The following MATR3 variants were observed in gnomAD, a reference collection of about 807,000 sequenced individuals.
The protein encoded by MATR3 is matrin-3.
MATR3 carries 4 observed loss-of-function variants against 85.5 expected under a neutral mutation model. The observed-to-expected ratio is 0.05, with a 90% CI of 0.02 to 0.11. MATR3 has a LOEUF of 0.11. Among genes scored for constraint, MATR3 ranks in the 10% least tolerant of loss-of-function variants. The pLI, the probability that MATR3 is intolerant of heterozygous loss-of-function variation, is 1.00. For missense variants in MATR3, 685 were observed against 1,016.1 expected, an observed-to-expected ratio of 0.67 and a Z score of 4.43; for synonymous variants, 336 against 343.1, an observed-to-expected ratio of 0.98 and a Z score of 0.23.
At chr5:139,326,421 AC>A in intron 14 of MATR3, 137 bp downstream of exon 14, 3 of 704,378 alleles carry the variant, frequency 4.3e-6, no homozygotes, top group South Asian at 2.5e-5. Flanking sequence ...CTTTTTATTT[AC>A]TTTTTTTTTT....
upstream of MATR3, among the ~76,000 whole-genome samples, chr5:139,290,668 T>C (rs1753844712): frequency 6.6e-6 from 1 of 151,912 alleles, no homozygotes; most frequent in Non-Finnish European, 1.5e-5. Flanking sequence ...TATGATGGTC[T>C]TGAACTTTCT....
chr5:139,327,875 A>T (rs948705469), intron 14 of MATR3, among the ~76,000 whole-genome samples: 465 of 147,984 alleles, frequency 3.1e-3, no homozygotes, highest in African/African-American at 0.011. Flanking sequence ...TTTTTTTTTT[A>T]TTTGAGACAG....
chr5:139,296,480 C>G (rs1038339648), intron 1 of MATR3, among the ~76,000 whole-genome samples: 1 of 152,064 alleles, frequency 6.6e-6, no homozygotes, highest in East Asian at 1.9e-4. Context: ...GAAATAACAT[C>G]AACTTTTGTA....
At chr5:139,306,063 C>T (rs965252685) in intron 1 of MATR3, among the ~76,000 whole-genome samples, 1 of 152,144 alleles carries the variant, frequency 6.6e-6, no homozygotes, top group African/African-American at 2.4e-5. Flanking sequence ...AGCAATGCCT[C>T]ATAGAATTCT....
chr5:139,316,484 G>A (rs1439013063), intron 5 of MATR3, among the ~76,000 whole-genome samples: 1 of 152,046 alleles, frequency 6.6e-6, no homozygotes, highest in African/African-American at 2.4e-5. Flanking sequence ...GGCCTCAGGT[G>A]GACTACCCGC....
At chr5:139,292,968 C>G (rs1456621225), upstream of MATR3, among the ~76,000 whole-genome samples, 6 of 151,980 alleles carry the variant, frequency 3.9e-5, no homozygotes, top group Non-Finnish European at 8.8e-5. Context: ...ACAAAAAAAA[C>G]AGCTGGCTGG....
chr5:139,295,503 TTATA>T (rs1314804321), intron 1 of MATR3, among the ~76,000 whole-genome samples: 1 of 152,234 alleles, frequency 6.6e-6, no homozygotes, highest in African/African-American at 2.4e-5. Context: ...TTTATCATCT[TTATA>T]TATTTTTCAG....
Position 139,308,143 on chromosome 5 carries a change from A to G in MATR3, c.728A>G (p.Tyr243Cys). 6.2e-7 allele frequency: 1 copy of G among 1,614,030 alleles called. No individual in the cohort carries two copies. Among genetic ancestry groups the G allele is most frequent in the Non-Finnish European group, 8.5e-7 (1 of 1,179,940 alleles). ...DSFFGETSHNYHKFDSEYERM... is the reference protein window; with the variant it reads ...DSFFGETSHNCHKFDSEYERM... Reference sequence around the variant, plus strand: ...TTTTTTGGTGAGACCTCGCATAACTATCATAAATTTGACAGTGAGTATGAG... The same window carrying G: ...TTTTTTGGTGAGACCTCGCATAACTGTCATAAATTTGACAGTGAGTATGAG... Residue 243 changes from tyrosine (Y) to cysteine (C), a missense_variant, in exon 2 of 15, where the codon TAT (tyrosine) becomes TGT (cysteine). Transcript: ENST00000394805.
chr5:139,330,822 G>A lies in MATR3; in HGVS notation c.*1427G>A. 2.2e-6 allele frequency: 1 copy of A among 454,054 alleles called. No homozygotes were observed. 28.1% of individuals were successfully genotyped at this position (454,054 alleles called of 1,614,324 possible). On this transcript the variant is annotated 3_prime_UTR_variant, in exon 15 of 15. Coordinates refer to ENST00000394805, the MANE Select transcript of MATR3 (RefSeq NM_018834.6). ...CAATTTTTTTTTCTTCCCTGACACA[G>A]GGTCTCACTCTGTCACCCAGACTGG...
chr5:139,299,660 A>G (rs1193944954), intron 1 of MATR3, among the ~76,000 whole-genome samples: 1 of 152,220 alleles, frequency 6.6e-6, no homozygotes, highest in Non-Finnish European at 1.5e-5. Context: ...CCTGTCTTGA[A>G]AAAGGAAATC....
In MATR3 at chr5:139,307,622, T is replaced by C; in HGVS notation, c.207T>C (p.Ala69=). Residue 69 remains alanine (A), a synonymous_variant, in exon 2 of 15, where the codon GCT becomes GCC. Transcript: ENST00000394805. This position sits in a 1 kb window ranked among gnomAD's most constrained non-coding sequence, Gnocchi z 4.4. ...GTTCTTCATTGAATCAACAAGGAGC[T>C]CATAGTGCACTGTCTTCTGCTAGTA... ...GMSSSLNQQG[A]HSALSSASTS... is the part of the protein sequence containing the mutation. The C allele has an allele frequency of 6.2e-7, 1 of 1,614,168 alleles. No individual in the cohort carries two copies. The highest frequency in any genetic ancestry group is 8.5e-7 in the Non-Finnish European group (1 of 1,180,040).
Position 139,330,107 on chromosome 5 carries a change from T to G in MATR3, c.*712T>G. On this transcript the variant is annotated 3_prime_UTR_variant, in exon 15 of 15. Transcript: ENST00000394805. ...TATTAATTTTTGAGATCTTACTGCT[T>G]GTCACTTGAATCCCGTGATTGTCAT... is the stretch of plus-strand genomic sequence containing the variant. 1 of 454,536 alleles carries G rather than the reference T, an allele frequency of 2.2e-6. No individual in the cohort carries two copies. The highest frequency in any genetic ancestry group is 1.6e-5 in the South Asian group (1 of 64,480). The allele number at this position is 454,536 out of a possible 1,614,324, so 28.2% of individuals were successfully genotyped here. A position where few individuals can be genotyped will look rare whatever the true frequency, so the allele number is the denominator to read the frequency against.
intron 1 of MATR3, among the ~76,000 whole-genome samples, chr5:139,305,464 C>G (rs1754660804): frequency 6.6e-6 from 1 of 152,124 alleles, no homozygotes. Context: ...ACATGAAGGT[C>G]AAAGCTGCAA....
intron 3 of MATR3, among the ~76,000 whole-genome samples, chr5:139,285,864 G>GTGGAAAAAAAAA (rs1209971952): frequency 6.6e-6 from 1 of 151,740 alleles, no homozygotes; most frequent in Non-Finnish European, 1.5e-5. Flanking sequence ...CTTGAAATTA[G>GTGGAAAAAAAAA]TCAGAGGAAA....
At position 139,308,027 on chromosome 5, in the gene MATR3, T is replaced by C; in HGVS notation, c.612T>C (p.His204=). The change falls in exon 2 of 15, where the codon CAT becomes CAC. Residue 204 remains histidine, a synonymous_variant. Coordinates refer to ENST00000394805, the MANE Select transcript of MATR3 (RefSeq NM_018834.6). ...PSLNPVLDYD[H]GSRSQESGYY... ...TCAACCCAGTGCTTGATTATGACCATGGAAGTCGTTCTCAAGAATCTGGTT... is the reference window on the plus strand; with the variant it reads ...TCAACCCAGTGCTTGATTATGACCACGGAAGTCGTTCTCAAGAATCTGGTT... The C allele has an allele frequency of 6.2e-7, 1 of 1,614,148 alleles. No individual in the cohort carries two copies. Among genetic ancestry groups the C allele is most frequent in the Non-Finnish European group, 8.5e-7 (1 of 1,180,022 alleles).
Position 139,322,639 on chromosome 5 carries a change from A to T in MATR3, c.1820A>T (p.Asp607Val). The T allele has an allele frequency of 6.2e-7, 1 of 1,614,202 alleles. No homozygotes were observed. Among genetic ancestry groups the T allele is most frequent in the Non-Finnish European group, 8.5e-7 (1 of 1,180,028 alleles). Reference sequence around the variant, plus strand: ...CCAGATGGCAAAGAATCTCCAAGTGATAAGAAATCCAAAACTGATGGTTCC... The same window carrying T: ...CCAGATGGCAAAGAATCTCCAAGTGTTAAGAAATCCAAAACTGATGGTTCC... Reference protein sequence around the residue: ...YSPDGKESPSDKKSKTDGSQK... With the variant: ...YSPDGKESPSVKKSKTDGSQK... Residue 607 changes from aspartate (D) to valine (V), a missense_variant, in exon 12 of 15, where the codon GAT becomes GTT. By Grantham distance (152) the Asp-to-Val change is radical. Transcript: ENST00000394805.
chr5:139,276,151 G>C lies in MATR3; in HGVS notation c.-257+1G>C. The C allele has an allele frequency of 2.2e-6, 1 of 456,758 alleles. No homozygotes were observed. The highest frequency in any genetic ancestry group is 4.4e-6 in the Non-Finnish European group (1 of 226,980). The allele number at this position is 456,758 out of a possible 1,614,324, so 28.3% of individuals were successfully genotyped here. On this transcript the variant is annotated splice_donor_variant, in intron 2 of 16. Coordinates refer to ENST00000509990, the Ensembl canonical transcript of MATR3. LOFTEE classifies it low-confidence loss of function (5UTR_SPLICE). The stretch of plus-strand genomic sequence containing the variant: ...CTGGCTGTGGCAGATGCAACTGCAG[G>C]TGAGTGCAACCCCTTCAGCTCTCTT...
At chr5:139,320,631 CTTTT>C (rs1244163527) in intron 9 of MATR3, among the ~76,000 whole-genome samples, 1 of 151,262 alleles carries the variant, frequency 6.6e-6, no homozygotes, top group Non-Finnish European at 1.5e-5. Flanking sequence ...AGGAGAACAT[CTTTT>C]TTGTTTTTCT....
chr5:139,315,751 T>G lies in MATR3; in HGVS notation c.1016+13T>G. The G allele has an allele frequency of 6.3e-7, 1 of 1,598,160 alleles. No individual in the cohort carries two copies. On this transcript the variant is annotated intron_variant, in intron 4 of 14. Transcript: ENST00000394805. ...CAGGACACACAATGTAAGTTAAATT[T>G]TTTAAGCTACCATTTGTAAAGGAGA...
Sources: allele counts gnomAD v4.1 joint callset (sites outside exome capture counted in the v4.1 genomes callset), GRCh38; gene constraint gnomAD v4.1.1; non-coding constraint Gnocchi (gnomAD v3.1); transcripts MANE v1.5; gene names NCBI Gene and HGNC (gene_info 2026-07-23, HGNC 2026-07-21).